FARS2: variants seen among roughly 807,000 people sequenced by gnomAD.
The protein encoded by FARS2 is phenylalanyl-tRNA synthetase 2, mitochondrial.
FARS2 carries 40 observed loss-of-function variants against 46.4 expected under a neutral mutation model. The observed-to-expected ratio is 0.86, with a 90% CI of 0.67 to 1.12. The LOEUF (loss-of-function observed/expected upper bound fraction) is 1.12, where lower values mean the gene tolerates loss of function less well. FARS2 is among the 50% of genes most tolerant of loss of function. FARS2 has a pLI of 0.00. For missense variants in FARS2, 513 were observed against 567.9 expected (o/e 0.90, Z 0.98); for synonymous variants, 234 against 214.9 (o/e 1.09, Z -0.78).
intron 4 of FARS2, among the ~76,000 whole-genome samples, chr6:5,469,913 A>G (rs973210308): frequency 6.6e-6 from 1 of 152,214 alleles, no homozygotes; most frequent in Non-Finnish European, 1.5e-5. Flanking sequence ...CTTACACAAG[A>G]TACTTACCTC....
chr6:5,514,089 C>CATATATATATATATATATATATATATAT (rs57189455), intron 4 of FARS2, among the ~76,000 whole-genome samples: 2 of 147,142 alleles, frequency 1.4e-5, no homozygotes, highest in African/African-American at 5.0e-5. Flanking sequence ...AAAATCTGGA[C>CATATATATATATATATATATATATATAT]ATATATATAT....
At chr6:5,472,496 C>T (rs919327191) in intron 4 of FARS2, among the ~76,000 whole-genome samples, 4 of 152,186 alleles carry the variant, frequency 2.6e-5, no homozygotes, top group Non-Finnish European at 5.9e-5. Flanking sequence ...GGATCAGATA[C>T]AGCTGGCACT....
chr6:5,408,762 G>T (rs568194326), intron 3 of FARS2, among the ~76,000 whole-genome samples: 1 of 152,266 alleles, frequency 6.6e-6, no homozygotes, highest in African/African-American at 2.4e-5. Flanking sequence ...AGCACATGAC[G>T]AAAGAGTAAT....
chr6:5,573,007 G>A (rs905642154), intron 5 of FARS2, among the ~76,000 whole-genome samples: 4 of 152,068 alleles, frequency 2.6e-5, no homozygotes, highest in Non-Finnish European at 4.4e-5. Context: ...GCACAATATC[G>A]AAAATATTTG....
intron 6 of FARS2, among the ~76,000 whole-genome samples, chr6:5,647,600 A>G (rs1018734760): frequency 2.0e-5 from 3 of 152,214 alleles, no homozygotes; most frequent in East Asian, 3.8e-4. Flanking sequence ...TATTCTGTCA[A>G]ACTCACCCAA....
intron 6 of FARS2, among the ~76,000 whole-genome samples, chr6:5,639,884 T>C (rs1295489245): frequency 6.6e-6 from 1 of 152,226 alleles, no homozygotes; most frequent in Non-Finnish European, 1.5e-5. Flanking sequence ...ACCTGCTTTA[T>C]TCCACTCACT....
intron 3 of FARS2, among the ~76,000 whole-genome samples, chr6:5,412,400 T>C (rs1761987028): frequency 6.6e-6 from 1 of 152,242 alleles, no homozygotes; most frequent in African/African-American, 2.4e-5. Context: ...GACTTCTCCC[T>C]CTGCCCAGTT....
chr6:5,708,144 C>T (rs779043361), intron 6 of FARS2, among the ~76,000 whole-genome samples: 3 of 151,982 alleles, frequency 2.0e-5, no homozygotes, highest in Admixed American at 6.5e-5. Context: ...GTAGAAGGGC[C>T]GGGTAGCAGA....
At chr6:5,442,056 GCCACT>G (rs112772717) in intron 4 of FARS2, among the ~76,000 whole-genome samples, 1,749 of 152,142 alleles carry the variant, frequency 0.011, 25 homozygotes, top group African/African-American at 0.04. Context: ...TAGAGTAGCC[GCCACT>G]CCACTCCAGC....
At chr6:5,362,535 G>C (rs1758369275) in intron 1 of FARS2, among the ~76,000 whole-genome samples, 1 of 152,180 alleles carries the variant, frequency 6.6e-6, no homozygotes, top group African/African-American at 2.4e-5. Flanking sequence ...ATGCTGCAGT[G>C]AACAAGGGGG....
upstream of FARS2, among the ~76,000 whole-genome samples, chr6:5,256,327 T>C (rs1303712218): frequency 2.6e-5 from 4 of 151,244 alleles, no homozygotes; most frequent in African/African-American, 9.7e-5. Context: ...CCGCCTCTAC[T>C]AAAAATACAG....
chr6:5,368,482 T>C, intron 1 of FARS2, 68 bp from the exon 2 acceptor site: 1 of 1,397,350 alleles, frequency 7.2e-7, no homozygotes. Context: ...TGGTGGGAGA[T>C]GCAAAGAACA....
chr6:5,705,008 CA>C (rs1758654847), intron 6 of FARS2, among the ~76,000 whole-genome samples: 1 of 152,106 alleles, frequency 6.6e-6, no homozygotes, highest in Admixed American at 6.5e-5. Flanking sequence ...TTATAGTTCT[CA>C]AAATTATTAT....
intron 1 of FARS2, among the ~76,000 whole-genome samples, chr6:5,291,732 T>C (rs1767519942): frequency 6.6e-6 from 1 of 151,426 alleles, no homozygotes; most frequent in South Asian, 2.1e-4. Flanking sequence ...CAAGCCAGTA[T>C]GGACAACAGC....
chr6:5,404,569 A>C lies in FARS2; in HGVS notation c.640A>C (p.Ser214Arg). Reference sequence around the variant, plus strand: ...ATTTGCTGGTATAAAGGATGGAGAAAGCCTGCAGCTCTTTGAACAAAGTTC... The same window carrying C: ...ATTTGCTGGTATAAAGGATGGAGAACGCCTGCAGCTCTTTGAACAAAGTTC... ...ELFAGIKDGE[S>R]LQLFEQSSRS... The change falls in exon 3 of 7, where the codon AGC becomes CGC. Residue 214 changes from serine to arginine, a missense_variant. Transcript: ENST00000274680. 6.2e-7 allele frequency: 1 copy of C among 1,605,292 alleles called. No individual in the cohort carries two copies. The highest frequency in any genetic ancestry group is 8.5e-7 in the Non-Finnish European group (1 of 1,175,480).
intron 6 of FARS2, among the ~76,000 whole-genome samples, chr6:5,761,850 A>G (rs1762493446): frequency 6.6e-6 from 1 of 151,886 alleles, no homozygotes; most frequent in Admixed American, 6.6e-5. Flanking sequence ...ATACAATGCA[A>G]GGTATCTTCA....
chr6:5,393,242 A>G (rs980521292), intron 2 of FARS2, among the ~76,000 whole-genome samples: 2 of 148,184 alleles, frequency 1.3e-5, no homozygotes, highest in Non-Finnish European at 3.0e-5. Flanking sequence ...CTAACCATGG[A>G]ATCCTGGAAA....
chr6:5,289,666 C>G (rs1767367692), intron 1 of FARS2, among the ~76,000 whole-genome samples: 1 of 151,912 alleles, frequency 6.6e-6, no homozygotes, highest in Non-Finnish European at 1.5e-5. Context: ...GGGGACTAAT[C>G]AGAGGCTGAA....
chr6:5,535,442 T>C (rs1770134443), intron 4 of FARS2, among the ~76,000 whole-genome samples: 1 of 152,364 alleles, frequency 6.6e-6, no homozygotes, highest in African/African-American at 2.4e-5. Flanking sequence ...TAAAATTATG[T>C]CATCTGCAAA....
Sources: allele counts gnomAD v4.1 joint callset (sites outside exome capture counted in the v4.1 genomes callset), GRCh38; gene constraint gnomAD v4.1.1; transcripts MANE v1.5; gene names NCBI Gene and HGNC (gene_info 2026-07-23, HGNC 2026-07-21).